Variants in CTNND2 observed in about 807,000 individuals in gnomAD.
The protein encoded by CTNND2 is catenin delta 2.
Under a neutral mutation model 144.4 loss-of-function variants are expected in CTNND2, and 22 were observed. The ratio of observed to expected loss-of-function variants is 0.15; its 90% confidence interval spans 0.11 to 0.22. The LOEUF (loss-of-function observed/expected upper bound fraction) is 0.22, where lower values mean the gene tolerates loss of function less well. CTNND2 is among the 10% of genes least tolerant of loss of function. CTNND2 has a pLI of 1.00. For synonymous variants in CTNND2, 751 were observed against 695.6 expected, an observed-to-expected ratio of 1.08 and a Z score of -1.25; for missense variants, 1,353 against 1,618.8, an observed-to-expected ratio of 0.84 and a Z score of 2.82.
At chr5:11,622,824 G>T (rs1027515669) in intron 2 of CTNND2, among the ~76,000 whole-genome samples, 2 of 151,996 alleles carry the variant, frequency 1.3e-5, no homozygotes, top group Admixed American at 6.6e-5. Flanking sequence ...AAGCAAACAC[G>T]CAAGTAAAAC....
In CTNND2 at chr5:11,384,537, T is replaced by C. The variant is rs1758841196; in HGVS notation, c.1177+128A>G. The C allele has an allele frequency of 1.3e-6, 1 of 794,090 alleles. No individual in the cohort carries two copies. Among genetic ancestry groups the C allele is most frequent in the African/African-American group, 1.7e-5 (1 of 57,290 alleles). The allele number at this position is 794,090 out of a possible 1,614,324, so 49.2% of individuals were successfully genotyped here. On this transcript the variant is annotated intron_variant, in intron 7 of 21. Transcript: ENST00000304623. The surrounding 1 kb of genome is among the most constrained non-coding windows in gnomAD (Gnocchi z 5.2). ...GTTCCAGGAAAGCCCTGGCGTTCTC[T>C]GTCTCCTGCAACTACTACAACCTGG... is the stretch of plus-strand genomic sequence containing the variant.
chr5:11,128,799 A>ATATAT (rs1754995011), intron 12 of CTNND2, among the ~76,000 whole-genome samples: 2 of 58,206 alleles, frequency 3.4e-5, no homozygotes, highest in South Asian at 4.3e-4. Flanking sequence ...TATATATTAT[A>ATATAT]TATATACAAT....
At chr5:11,251,866 C>A (rs1016192481) in intron 9 of CTNND2, among the ~76,000 whole-genome samples, 1 of 152,142 alleles carries the variant, frequency 6.6e-6, no homozygotes, top group Non-Finnish European at 1.5e-5. Flanking sequence ...TAAAAATTTG[C>A]TTATGTAAAT....
At chr5:11,597,094 A>G (rs1306870908) in intron 2 of CTNND2, among the ~76,000 whole-genome samples, 2 of 152,212 alleles carry the variant, frequency 1.3e-5, no homozygotes, top group Non-Finnish European at 1.5e-5. Context: ...AGCACTGTAT[A>G]TTAAACCGAT....
chr5:11,410,352 G>C (rs1367658966), intron 5 of CTNND2, among the ~76,000 whole-genome samples: 2 of 152,106 alleles, frequency 1.3e-5, no homozygotes, highest in African/African-American at 4.8e-5. Flanking sequence ...AAAGATTATA[G>C]AGAAAATGAG....
At chr5:11,011,890 C>T (rs373251963) in intron 18 of CTNND2, among the ~76,000 whole-genome samples, 9 of 151,998 alleles carry the variant, frequency 5.9e-5, no homozygotes, top group African/African-American at 1.5e-4. Context: ...GGAGAAAGAC[C>T]GTGGGAAAGC....
rs561529463 is a variant in CTNND2, at chr5:10,987,132, G to A, written c.3343+979C>T. On this transcript the variant is annotated intron_variant, in intron 20 of 21. Transcript: ENST00000304623. The stretch of plus-strand genomic sequence containing the variant: ...GTGGTAAAGAGGATGTGGGGTCCCC[G>A]TTGAAAGGTCCTCAGGGCTCCGGCA... Among the ~76,000 whole-genome samples the A allele has an allele frequency of 1.3e-4, 20 of 152,316 alleles. No individual in the cohort carries two copies. The East Asian group carries it at 2.1e-3, about 16-fold the overall frequency.
chr5:11,669,130 G>T (rs1040757419), intron 2 of CTNND2, among the ~76,000 whole-genome samples: 2 of 152,180 alleles, frequency 1.3e-5, no homozygotes, highest in African/African-American at 4.8e-5. Flanking sequence ...GATCGTGGTG[G>T]ATAAGCTTTT....
chr5:11,112,946 T>A (rs1039656552), intron 13 of CTNND2, among the ~76,000 whole-genome samples: 5 of 152,096 alleles, frequency 3.3e-5, no homozygotes, highest in African/African-American at 1.2e-4. Flanking sequence ...ATTGAGATCA[T>A]CCTGGCTAAC....
chr5:11,825,798 C>T (rs1793571885), intron 1 of CTNND2, among the ~76,000 whole-genome samples: 1 of 151,932 alleles, frequency 6.6e-6, no homozygotes, highest in African/African-American at 2.4e-5. Flanking sequence ...GACTTTTCCC[C>T]TGAAATTATG....
At chr5:11,745,807 A>T in intron 1 of CTNND2, among the ~76,000 whole-genome samples, 1 of 152,132 alleles carries the variant, frequency 6.6e-6, no homozygotes, top group East Asian at 1.9e-4. Flanking sequence ...AATTTATTTG[A>T]GTGGATCTCA....
intron 9 of CTNND2, among the ~76,000 whole-genome samples, chr5:11,312,645 C>T (rs1751100841): frequency 1.2e-5 from 1 of 86,578 alleles, no homozygotes; most frequent in South Asian, 4.0e-4. Context: ...CAAACCATAT[C>T]ACTCCCCATA....
At chr5:11,137,998 A>G (rs563054426) in intron 12 of CTNND2, among the ~76,000 whole-genome samples, 74 of 152,324 alleles carry the variant, frequency 4.9e-4, no homozygotes, top group Non-Finnish European at 9.6e-4. Flanking sequence ...GCAGGGCTGC[A>G]TTACTTTTTG....
At chr5:11,412,113 A>C in intron 3 of CTNND2, 44 bp from the exon 4 acceptor site, 1 of 1,512,042 alleles carries the variant, frequency 6.6e-7, no homozygotes. Context: ...TGATTAGAAA[A>C]GAAAAATAAA....
chr5:11,530,660 G>A (rs926039651), intron 3 of CTNND2, among the ~76,000 whole-genome samples: 1 of 152,146 alleles, frequency 6.6e-6, no homozygotes, highest in Non-Finnish European at 1.5e-5. Flanking sequence ...TTATTTTCTG[G>A]AATCTGACAT....
At chr5:11,357,891 A>C (rs1756056939) in intron 8 of CTNND2, among the ~76,000 whole-genome samples, 1 of 152,140 alleles carries the variant, frequency 6.6e-6, no homozygotes, top group Non-Finnish European at 1.5e-5. Context: ...TTATAATTTT[A>C]AGTGATAGAG....
chr5:11,619,013 T>C (rs1780708064), intron 2 of CTNND2, among the ~76,000 whole-genome samples: 1 of 152,220 alleles, frequency 6.6e-6, no homozygotes, highest in African/African-American at 2.4e-5. Context: ...TAATCGACAA[T>C]CATTTTTAAA....
At chr5:11,270,269 T>C (rs1332347256) in intron 9 of CTNND2, among the ~76,000 whole-genome samples, 3 of 152,026 alleles carry the variant, frequency 2.0e-5, no homozygotes, top group South Asian at 2.1e-4. Flanking sequence ...CACACACACA[T>C]ATATAATATA....
At chr5:11,813,653 C>CT (rs1195153036) in intron 1 of CTNND2, among the ~76,000 whole-genome samples, 5 of 152,112 alleles carry the variant, frequency 3.3e-5, no homozygotes, top group African/African-American at 1.2e-4. Context: ...AAAACAAACA[C>CT]TTTTTTTATT....
Sources: allele counts gnomAD v4.1 joint callset (sites outside exome capture counted in the v4.1 genomes callset), GRCh38; gene constraint gnomAD v4.1.1; non-coding constraint Gnocchi (gnomAD v3.1); transcripts MANE v1.5; gene names NCBI Gene and HGNC (gene_info 2026-07-23, HGNC 2026-07-21).